The following NPAS3 variants were observed in gnomAD, a reference collection of about 807,000 sequenced individuals.
The protein encoded by NPAS3 is neuronal PAS domain protein 3, also known as neuronal PAS domain-containing protein 3.
NPAS3 carries 14 observed loss-of-function variants against 73.1 expected under a neutral mutation model. The ratio of observed to expected loss-of-function variants is 0.19; its 90% confidence interval spans 0.13 to 0.30. The LOEUF (loss-of-function observed/expected upper bound fraction) is 0.30, where lower values mean the gene tolerates loss of function less well. Ranked by LOEUF, NPAS3 falls within the 10% of genes least tolerant of loss-of-function variation. NPAS3 has a pLI of 1.00. For missense variants in NPAS3, 1,096 were observed against 1,250.0 expected, an observed-to-expected ratio of 0.88 and a Z score of 1.86; for synonymous variants, 620 against 541.5, an observed-to-expected ratio of 1.14 and a Z score of -2.01.
At chr14:33,641,691 T>C (rs1189793676) in intron 5 of NPAS3, among the ~76,000 whole-genome samples, 1 of 152,106 alleles carries the variant, frequency 6.6e-6, no homozygotes, top group African/African-American at 2.4e-5. Context: ...CCCAGCATAG[T>C]GATGCTCCTA....
chr14:33,284,972 T>C (rs1261435701), intron 3 of NPAS3, among the ~76,000 whole-genome samples: 1 of 152,148 alleles, frequency 6.6e-6, no homozygotes, highest in East Asian at 1.9e-4. Flanking sequence ...ACTATGCTAG[T>C]GTGCACTTTG....
chr14:33,631,604 G>T (rs1331777753), intron 5 of NPAS3, among the ~76,000 whole-genome samples: 4 of 152,240 alleles, frequency 2.6e-5, no homozygotes, highest in Non-Finnish European at 5.9e-5. Flanking sequence ...CCAGCTCGAA[G>T]TGGGAGCTAA....
At chr14:33,591,523 A>G (rs2057066712) in intron 5 of NPAS3, among the ~76,000 whole-genome samples, 1 of 152,182 alleles carries the variant, frequency 6.6e-6, no homozygotes, top group African/African-American at 2.4e-5. Flanking sequence ...TCCAACCCCT[A>G]AAGTGAGCAA....
At chr14:33,267,184 G>A (rs1252401976) in intron 3 of NPAS3, among the ~76,000 whole-genome samples, 2 of 152,072 alleles carry the variant, frequency 1.3e-5, no homozygotes, top group Admixed American at 1.3e-4. Flanking sequence ...TAAGACTTTG[G>A]GGAAGCTGGG....
intron 1 of NPAS3, among the ~76,000 whole-genome samples, chr14:32,954,332 T>C (rs990451796): frequency 5.9e-5 from 9 of 152,222 alleles, no homozygotes; most frequent in African/African-American, 2.2e-4. Context: ...TGGTTTGTTC[T>C]ATTTACCCAT....
intron 9 of NPAS3, among the ~76,000 whole-genome samples, chr14:33,784,665 T>C (rs1466869295): frequency 1.3e-5 from 2 of 151,954 alleles, no homozygotes; most frequent in Non-Finnish European, 2.9e-5. Context: ...TCACATGGAT[T>C]CGCAAGCTTC....
chr14:33,003,949 C>T (rs936281458), intron 1 of NPAS3, among the ~76,000 whole-genome samples: 4 of 152,126 alleles, frequency 2.6e-5, no homozygotes, highest in Admixed American at 1.3e-4. Context: ...TGAGTGGGTA[C>T]GGTCTGGAGT....
At chr14:33,368,398 C>T (rs2045936878) in intron 4 of NPAS3, among the ~76,000 whole-genome samples, 1 of 151,912 alleles carries the variant, frequency 6.6e-6, no homozygotes. Flanking sequence ...TTCAGAATCA[C>T]CCAACACTTG....
intron 4 of NPAS3, among the ~76,000 whole-genome samples, chr14:33,540,922 C>G (rs541909185): frequency 5.8e-4 from 89 of 152,208 alleles, no homozygotes; most frequent in African/African-American, 1.6e-3. Flanking sequence ...CCTGACACCT[C>G]TTTTTGTTGC....
intron 6 of NPAS3, chr14:33,680,600 C>T (rs772417031): frequency 2.8e-6 from 2 of 702,566 alleles, no homozygotes; most frequent in Non-Finnish European, 2.6e-6. Flanking sequence ...TTTCTGTCTC[C>T]AGTGGTTTGC....
intron 2 of NPAS3, among the ~76,000 whole-genome samples, chr14:33,086,131 G>A (rs1385295784): frequency 2.0e-5 from 3 of 152,130 alleles, no homozygotes; most frequent in Admixed American, 2.0e-4. Context: ...TAAAAATGAT[G>A]TGTATTTTTC....
chr14:32,991,898 G>A (rs905002128), intron 1 of NPAS3, among the ~76,000 whole-genome samples: 3 of 152,122 alleles, frequency 2.0e-5, no homozygotes, highest in Admixed American at 6.5e-5. Flanking sequence ...CGTCTCTCTC[G>A]GGTGAACTCA....
chr14:33,769,720 C>T (rs1162283281), intron 7 of NPAS3, among the ~76,000 whole-genome samples: 1 of 150,090 alleles, frequency 6.7e-6, no homozygotes, highest in Admixed American at 6.6e-5. Flanking sequence ...TTTTCATTCC[C>T]TCCAACCAGC....
intron 9 of NPAS3, among the ~76,000 whole-genome samples, chr14:33,789,688 A>C (rs1211706215): frequency 1.5e-5 from 2 of 134,168 alleles, no homozygotes; most frequent in East Asian, 4.9e-4. Flanking sequence ...TCCCGGGTTC[A>C]CGCCATTCTC....
rs1354649040 is a variant in NPAS3 at position 33,560,025 on chromosome 14, A to ATT, written c.469-96_469-95insTT. The ATT allele has an allele frequency of 5.1e-6, 3 of 589,018 alleles. No homozygotes were observed. In the East Asian group the frequency reaches 9.1e-5, roughly 18 times the overall value. 36.5% of individuals were successfully genotyped at this position (589,018 alleles called of 1,614,324 possible). ...ACTCTGTCTCAAAAAAAAAAAAAAA[A>ATT]ATTCAATGTATTGCTTTTTCTCAGT... On this transcript the variant is annotated intron_variant, in intron 4 of 11. Coordinates refer to ENST00000356141, the Ensembl canonical transcript of NPAS3.
At chr14:33,099,259 G>A (rs979353002) in intron 2 of NPAS3, among the ~76,000 whole-genome samples, 10 of 152,096 alleles carry the variant, frequency 6.6e-5, no homozygotes, top group East Asian at 1.9e-4. Flanking sequence ...TTTTAGTACC[G>A]TCATACATTT....
At position 33,538,253 on chromosome 14, in the gene NPAS3, A is replaced by G. The variant is rs141993051; in HGVS notation, c.469-21868A>G. 2.1e-4 allele frequency among the ~76,000 whole-genome samples: 32 copies of G among 152,294 alleles called. 1 individual carries two copies. In the East Asian group the frequency reaches 5.6e-3, roughly 27 times the overall value. ...TAGCTCAAAGGTCCTAAAGGACCCA[A>G]TGGTTACTGGCCACTCCCACACAAT... On this transcript the variant is annotated intron_variant, in intron 4 of 11. Transcript: ENST00000356141.
At chr14:33,434,540 C>T (rs1645778599) in intron 4 of NPAS3, among the ~76,000 whole-genome samples, 1 of 151,738 alleles carries the variant, frequency 6.6e-6, no homozygotes, top group African/African-American at 2.4e-5. Flanking sequence ...AAAAAAAATC[C>T]ATAGTTAACA....
chr14:32,946,330 C>T (rs1258292129), intron 1 of NPAS3, among the ~76,000 whole-genome samples: 1 of 137,306 alleles, frequency 7.3e-6, no homozygotes, highest in Admixed American at 7.9e-5. Context: ...CCCCCATCCC[C>T]CCAACACACA....
Sources: allele counts gnomAD v4.1 joint callset (sites outside exome capture counted in the v4.1 genomes callset), GRCh38; gene constraint gnomAD v4.1.1; transcripts MANE v1.5; gene names NCBI Gene and HGNC (gene_info 2026-07-23, HGNC 2026-07-21).